Variants in GRID1 observed in about 807,000 individuals in gnomAD.
GRID1 encodes glutamate ionotropic receptor delta type subunit 1, also known as glutamate receptor ionotropic, delta-1.
A neutral mutation model predicts 98.0 loss-of-function variants in GRID1; 28 were observed. That is an observed-to-expected ratio of 0.29 (90% CI 0.21 to 0.39). The LOEUF (loss-of-function observed/expected upper bound fraction) is 0.39, where lower values mean the gene tolerates loss of function less well. Ranked by LOEUF, GRID1 falls within the 10% of genes least tolerant of loss-of-function variation. The pLI, the probability that GRID1 is intolerant of heterozygous loss-of-function variation, is 1.00. For missense variants in GRID1, 1,111 were observed against 1,340.5 expected (o/e 0.83, Z 2.67); for synonymous variants, 553 against 538.5 (o/e 1.03, Z -0.37).
chr10:86,226,715 G>A (rs907696885), intron 2 of GRID1, among the ~76,000 whole-genome samples: 1 of 146,304 alleles, frequency 6.8e-6, no homozygotes, highest in African/African-American at 2.6e-5. Flanking sequence ...TTGGACAAGT[G>A]CCCCAAGTCC....
chr10:85,968,556 AAAG>A (rs1842368621), intron 4 of GRID1, among the ~76,000 whole-genome samples: 1 of 152,128 alleles, frequency 6.6e-6, no homozygotes, highest in Non-Finnish European at 1.5e-5. Flanking sequence ...ACAATAATAT[AAAG>A]AAGGGGGAGG....
At chr10:85,735,137 C>T (rs1564574232) in intron 8 of GRID1, among the ~76,000 whole-genome samples, 1 of 152,182 alleles carries the variant, frequency 6.6e-6, no homozygotes, top group Admixed American at 6.5e-5. Flanking sequence ...ACTCTGACTT[C>T]CCCTTGTATT....
chr10:86,002,386 C>CA (rs1348359696), intron 4 of GRID1, among the ~76,000 whole-genome samples: 1 of 152,160 alleles, frequency 6.6e-6, no homozygotes, highest in East Asian at 1.9e-4. Context: ...CTTGGAAAAA[C>CA]AGAGCTGCCC....
At chr10:86,007,261 G>C (rs1420721238) in intron 4 of GRID1, among the ~76,000 whole-genome samples, 1 of 152,196 alleles carries the variant, frequency 6.6e-6, no homozygotes, top group Non-Finnish European at 1.5e-5. Context: ...ATTTGTTGTG[G>C]GAAGGGGCTC....
intron 2 of GRID1, among the ~76,000 whole-genome samples, chr10:86,342,922 G>A (rs1848330736): frequency 6.6e-6 from 1 of 152,238 alleles, no homozygotes; most frequent in African/African-American, 2.4e-5. Flanking sequence ...GGCGTTCCTT[G>A]GTGTATATGC....
chr10:86,076,311 A>C lies in GRID1; in HGVS notation c.726+62508T>G, dbSNP rs117414648. ...AAACAGTAAGTTTAAAGAAAGAAAC[A>C]GTAAGTAATTAACAGGTGATATGAA... On this transcript the variant is annotated intron_variant, in intron 4 of 15. Coordinates refer to ENST00000327946, the MANE Select transcript of GRID1 (RefSeq NM_017551.3). Among the ~76,000 whole-genome samples, 1,015 of 152,382 alleles carry C rather than the reference A, an allele frequency of 6.7e-3. 4 individuals carry two copies. The highest frequency in any genetic ancestry group is 0.011 in the Non-Finnish European group (767 of 68,034).
At chr10:85,648,463 T>C (rs1843225469) in intron 12 of GRID1, among the ~76,000 whole-genome samples, 1 of 152,170 alleles carries the variant, frequency 6.6e-6, no homozygotes, top group Non-Finnish European at 1.5e-5. Flanking sequence ...ATTTCTCTTC[T>C]AGAAATCTCA....
intron 8 of GRID1, among the ~76,000 whole-genome samples, chr10:85,852,359 A>G (rs60213222): frequency 0.024 from 3,591 of 152,264 alleles, 143 homozygotes; most frequent in African/African-American, 0.081. Context: ...TTTGAGGCGC[A>G]TTGCCTTGGC....
intron 8 of GRID1, among the ~76,000 whole-genome samples, chr10:85,762,973 C>T (rs1375072594): frequency 1.3e-5 from 2 of 152,168 alleles, no homozygotes; most frequent in Non-Finnish European, 2.9e-5. Context: ...ACAAACCCCA[C>T]ACTATTTCTG....
At chr10:85,827,584 G>A (rs1282149921) in intron 8 of GRID1, among the ~76,000 whole-genome samples, 1 of 152,026 alleles carries the variant, frequency 6.6e-6, no homozygotes, top group Non-Finnish European at 1.5e-5. Context: ...AAGCGAATTT[G>A]AGGATACTGT....
rs1376687149 is a variant in GRID1, at chr10:86,366,759, GC to G, written c.-368del. On this transcript the variant is annotated 5_prime_UTR_variant, in exon 1 of 16. Coordinates refer to ENST00000327946, the MANE Select transcript of GRID1 (RefSeq NM_017551.3). This position sits in a 1 kb window ranked among gnomAD's most constrained non-coding sequence, Gnocchi z 4.1. ...GGCCGGGCCGGCGTGGCGGCTCTGG[GC>G]TGGCTGTGTGTCTGAGCCCCGGCGA... is the stretch of plus-strand genomic sequence containing the variant. Among the ~76,000 whole-genome samples, 1 of 150,472 alleles carries G rather than the reference GC, an allele frequency of 6.6e-6. No homozygotes were observed. Among genetic ancestry groups the G allele is most frequent in the Non-Finnish European group, 1.5e-5 (1 of 67,032 alleles).
intron 2 of GRID1, among the ~76,000 whole-genome samples, chr10:86,302,140 C>G (rs1847697722): frequency 6.6e-6 from 1 of 152,228 alleles, no homozygotes; most frequent in Non-Finnish European, 1.5e-5. Flanking sequence ...GGCACATGGT[C>G]TAGGTCACAG....
Position 86,206,392 on chromosome 10 carries a change from C to T in GRID1, c.492G>A (p.Lys164=). ...LRLVTELRWQ[K]FVMFYDSEYD... is the part of the protein sequence containing the mutation. Reference sequence around the variant, plus strand: ...ACTCGCTGTCGTAGAACATGACGAACTTCTGCCAGCGCAGCTCCGTCACCA... The same window carrying T: ...ACTCGCTGTCGTAGAACATGACGAATTTCTGCCAGCGCAGCTCCGTCACCA... The change falls in exon 3 of 16, where the codon AAG becomes AAA. Residue 164 remains lysine, a synonymous_variant. Transcript: ENST00000327946. This position sits in a 1 kb window ranked among gnomAD's most constrained non-coding sequence, Gnocchi z 4.1. 6.2e-7 allele frequency: 1 copy of T among 1,607,516 alleles called. No individual in the cohort carries two copies. The highest frequency in any genetic ancestry group is 1.1e-5 in the South Asian group (1 of 90,810).
intron 2 of GRID1, among the ~76,000 whole-genome samples, chr10:86,294,454 T>C (rs1424045919): frequency 6.6e-6 from 1 of 152,090 alleles, no homozygotes; most frequent in East Asian, 1.9e-4. Flanking sequence ...AGGAAGCCAT[T>C]CCAAGAATCC....
At chr10:85,615,801 G>T (rs1485714155) in intron 14 of GRID1, among the ~76,000 whole-genome samples, 1 of 152,216 alleles carries the variant, frequency 6.6e-6, no homozygotes, top group African/African-American at 2.4e-5. Context: ...GCTGGTAGGG[G>T]TGAGGAGGCT....
intron 13 of GRID1, among the ~76,000 whole-genome samples, chr10:85,637,274 A>G (rs1377749747): frequency 6.6e-6 from 1 of 152,246 alleles, no homozygotes; most frequent in Non-Finnish European, 1.5e-5. Context: ...AACTTTTCTT[A>G]ATGGGAACTT....
intron 15 of GRID1, among the ~76,000 whole-genome samples, chr10:85,604,469 T>C (rs748311936): frequency 3.9e-5 from 6 of 152,086 alleles, no homozygotes; most frequent in Non-Finnish European, 7.3e-5. Flanking sequence ...ACAACTTCAG[T>C]GATCTGAAGC....
chr10:86,274,586 T>C (rs1432610210), intron 2 of GRID1, among the ~76,000 whole-genome samples: 1 of 152,132 alleles, frequency 6.6e-6, no homozygotes. Flanking sequence ...TTTTATTTCA[T>C]TGAGCAGTGG....
chr10:86,040,519 A>AAAT (rs963555645), intron 4 of GRID1, among the ~76,000 whole-genome samples: 3 of 151,570 alleles, frequency 2.0e-5, no homozygotes, highest in African/African-American at 7.3e-5. Flanking sequence ...TTAAAAAAAA[A>AAAT]AAAAAAAAAA....
Sources: allele counts gnomAD v4.1 joint callset (sites outside exome capture counted in the v4.1 genomes callset), GRCh38; gene constraint gnomAD v4.1.1; non-coding constraint Gnocchi (gnomAD v3.1); transcripts MANE v1.5; gene names NCBI Gene and HGNC (gene_info 2026-07-23, HGNC 2026-07-21).